The following TTC28 variants were observed in gnomAD, a reference collection of about 807,000 sequenced individuals.
TTC28 encodes the protein tetratricopeptide repeat domain 28.
Under a neutral mutation model 198.0 loss-of-function variants are expected in TTC28, and 61 were observed. The ratio of observed to expected loss-of-function variants is 0.31; its 90% confidence interval spans 0.25 to 0.38. The LOEUF (loss-of-function observed/expected upper bound fraction) is 0.38. TTC28 is among the 10% of genes least tolerant of loss of function. The pLI, the probability that TTC28 is intolerant of heterozygous loss-of-function variation, is 1.00. For missense variants in TTC28, 2,678 were observed against 3,164.0 expected, an observed-to-expected ratio of 0.85 and a Z score of 3.69; for synonymous variants, 1,171 against 1,297.8, an observed-to-expected ratio of 0.90 and a Z score of 2.10.
intron 2 of TTC28, among the ~76,000 whole-genome samples, chr22:28,400,133 C>T (rs2046882050): frequency 6.6e-6 from 1 of 152,206 alleles, no homozygotes; most frequent in South Asian, 2.1e-4. Flanking sequence ...CTTCACCTTT[C>T]CATTTCAGTA....
At chr22:28,529,696 G>C (rs376659014) in intron 2 of TTC28, among the ~76,000 whole-genome samples, 1 of 152,164 alleles carries the variant, frequency 6.6e-6, no homozygotes, top group African/African-American at 2.4e-5. Flanking sequence ...GTGCCCCTAC[G>C]AGACGAAGCT....
chr22:28,481,061 C>G (rs112611098), intron 2 of TTC28, among the ~76,000 whole-genome samples: 2,849 of 152,208 alleles, frequency 0.019, 28 homozygotes, highest in Non-Finnish European at 0.026. Flanking sequence ...TAACCCCATG[C>G]CTTAACTACT....
intron 2 of TTC28, among the ~76,000 whole-genome samples, chr22:28,309,527 T>C (rs1030671286): frequency 2.0e-5 from 3 of 152,146 alleles, no homozygotes; most frequent in Admixed American, 2.0e-4. Context: ...TTCAGGAAAA[T>C]TGATGTGACC....
chr22:28,237,063 T>G (rs563972544), intron 5 of TTC28, among the ~76,000 whole-genome samples: 73 of 152,296 alleles, frequency 4.8e-4, no homozygotes, highest in Non-Finnish European at 7.8e-4. Context: ...CCTGCCTTCT[T>G]CTGGATCAAG....
At chr22:28,612,934 A>G (rs996886089) in intron 2 of TTC28, among the ~76,000 whole-genome samples, 1 of 152,180 alleles carries the variant, frequency 6.6e-6, no homozygotes, top group Non-Finnish European at 1.5e-5. Flanking sequence ...TAGAGAAGCA[A>G]GAGCAAACAA....
At chr22:28,096,438 C>T (rs1204496101) in intron 10 of TTC28, 30 bp from the exon 11 acceptor site, 1 of 1,547,918 alleles carries the variant, frequency 6.5e-7, no homozygotes, top group South Asian at 1.2e-5. Flanking sequence ...GCCGAGGAGT[C>T]CATAGTGAGT....
At position 28,050,963 on chromosome 22, in the gene TTC28, T is replaced by C. The variant is rs762551309; in HGVS notation, c.3933-20597A>G. 1.3e-5 allele frequency among the ~76,000 whole-genome samples: 2 copies of C among 152,200 alleles called. 1 individual carries two copies. The highest frequency in any genetic ancestry group is 4.1e-4 in the South Asian group (2 of 4,826). On this transcript the variant is annotated intron_variant, in intron 12 of 22. Transcript: ENST00000397906. ...AGCTTTATTTATAATCCTCTAAATT[T>C]AGGTAAATTGCACACATTTTAAATT...
At chr22:28,496,575 C>T (rs1229411550) in intron 2 of TTC28, among the ~76,000 whole-genome samples, 1 of 151,838 alleles carries the variant, frequency 6.6e-6, no homozygotes, top group Admixed American at 6.6e-5. Context: ...AAAAAATTTC[C>T]CAGAACTTGA....
rs531611192 is a variant in TTC28, at chr22:28,475,042, C to T, written c.381+154510G>A. On this transcript the variant is annotated intron_variant, in intron 2 of 22. Coordinates refer to ENST00000397906, the MANE Select transcript of TTC28 (RefSeq NM_001145418.2). ...TAAGAAAACAAAAGTCCTAGCTACT[C>T]GGGAGGCTGAGGTGGGAGAATGGCG... 6.8e-4 allele frequency among the ~76,000 whole-genome samples: 103 copies of T among 150,504 alleles called. 1 individual carries two copies. Among genetic ancestry groups the T allele is most frequent in the Non-Finnish European group, 1.2e-3 (83 of 67,640 alleles).
chr22:28,164,360 T>C (rs1473846099), intron 5 of TTC28, among the ~76,000 whole-genome samples: 1 of 152,214 alleles, frequency 6.6e-6, no homozygotes, highest in Admixed American at 6.5e-5. Context: ...AGTGGGTCTC[T>C]GAACCCCGAG....
chr22:28,066,275 C>CGTGT (rs796325170), intron 12 of TTC28, among the ~76,000 whole-genome samples: 2,014 of 135,654 alleles, frequency 0.015, 29 homozygotes, highest in African/African-American at 0.038. Flanking sequence ...ACCTAGTTAC[C>CGTGT]GTGTGTGTGT....
chr22:28,008,277 C>T (rs962820870), intron 14 of TTC28: 1 of 150,314 alleles, frequency 6.7e-6, no homozygotes, highest in African/African-American at 2.4e-5. Flanking sequence ...CCAAGCCACT[C>T]TCATGGCCGA....
At chr22:28,097,616 A>G (rs1454218787) in intron 10 of TTC28, among the ~76,000 whole-genome samples, 1 of 152,234 alleles carries the variant, frequency 6.6e-6, no homozygotes, top group Admixed American at 6.5e-5. Flanking sequence ...GAAGGAACAC[A>G]ATGCAGCGGA....
At chr22:28,498,137 G>A (rs1319348279) in intron 2 of TTC28, among the ~76,000 whole-genome samples, 1 of 148,738 alleles carries the variant, frequency 6.7e-6, no homozygotes, top group Non-Finnish European at 1.5e-5. Context: ...TGAGCCTTCC[G>A]TTAAAAAAAA....
At chr22:28,670,618 C>T (rs994741676) in intron 1 of TTC28, among the ~76,000 whole-genome samples, 2 of 151,344 alleles carry the variant, frequency 1.3e-5, no homozygotes, top group African/African-American at 4.9e-5. Context: ...GCTGTTTTCA[C>T]TTTTTGGCTT....
At chr22:28,254,309 G>A (rs1569223644) in intron 5 of TTC28, among the ~76,000 whole-genome samples, 2 of 152,030 alleles carry the variant, frequency 1.3e-5, no homozygotes, top group Non-Finnish European at 2.9e-5. Flanking sequence ...AAGAGAGAAT[G>A]TAGAGAAAAC....
chr22:28,171,789 A>G (rs2147083738), intron 5 of TTC28, among the ~76,000 whole-genome samples: 1 of 152,230 alleles, frequency 6.6e-6, no homozygotes, highest in East Asian at 1.9e-4. Context: ...CACACAAGTC[A>G]CAATGCTGCA....
intron 2 of TTC28, among the ~76,000 whole-genome samples, chr22:28,458,808 G>A (rs867324378): frequency 6.6e-6 from 1 of 151,520 alleles, no homozygotes; most frequent in African/African-American, 2.4e-5. Context: ...TTGAACCCGG[G>A]AGGCAGAGCT....
At position 28,001,708 on chromosome 22, in the gene TTC28, G is replaced by A. The variant is rs1336303824; in HGVS notation, c.4219-155C>T. ...GCCATGGGGCATGGGCCGAGTTGCA[G>A]CCCTGCAGGAGCGGCACCAACTGGC... On this transcript the variant is annotated intron_variant, in intron 14 of 22. Coordinates refer to ENST00000397906, the MANE Select transcript of TTC28 (RefSeq NM_001145418.2). 8 of 855,724 alleles carry A rather than the reference G, an allele frequency of 9.3e-6. No homozygotes were observed. The East Asian group carries it at 1.6e-4, about 17-fold the overall frequency. 53.0% of individuals were successfully genotyped at this position (855,724 alleles called of 1,614,324 possible).
Sources: gnomAD v4.1 joint callset for allele counts (sites outside exome capture counted in the v4.1 genomes callset) on GRCh38, gnomAD v4.1.1 for gene constraint, MANE v1.5 for transcripts, NCBI Gene and HGNC (gene_info 2026-07-23, HGNC 2026-07-21) for gene names.